Variants in SGMS2 observed in about 807,000 individuals in gnomAD.
The protein encoded by SGMS2 is sphingomyelin synthase 2.
In SGMS2, 21 loss-of-function variants were observed where a neutral mutation model predicts 43.8. The observed-to-expected ratio is 0.48, with a 90% CI of 0.34 to 0.69. The LOEUF (loss-of-function observed/expected upper bound fraction) is 0.69. Ranked by LOEUF, SGMS2 falls within the 30% of genes least tolerant of loss-of-function variation. SGMS2 has a pLI of 0.01. For synonymous variants in SGMS2, 167 were observed against 160.6 expected (o/e 1.04, Z -0.30); for missense variants, 384 against 443.2 (o/e 0.87, Z 1.20).
chr4:107,850,123 C>T (rs1192019036), intron 1 of SGMS2, among the ~76,000 whole-genome samples: 5 of 152,120 alleles, frequency 3.3e-5, no homozygotes, highest in Non-Finnish European at 7.3e-5. Context: ...GGCATCTCTC[C>T]TCCCACTGTC....
At chr4:107,881,999 TCATC>T (rs1729394250) in intron 2 of SGMS2, among the ~76,000 whole-genome samples, 1 of 152,224 alleles carries the variant, frequency 6.6e-6, no homozygotes, top group Non-Finnish European at 1.5e-5. Flanking sequence ...TACATTTTCT[TCATC>T]CATCCATCAG....
intron 1 of SGMS2, among the ~76,000 whole-genome samples, chr4:107,832,110 TTG>T (rs1319654357): frequency 1.3e-5 from 2 of 152,202 alleles, no homozygotes; most frequent in African/African-American, 2.4e-5. Flanking sequence ...ATATTTGCAT[TTG>T]TTCAGCGAGT....
chr4:107,834,675 G>A (rs952778662), intron 1 of SGMS2, among the ~76,000 whole-genome samples: 1 of 152,188 alleles, frequency 6.6e-6, no homozygotes, highest in East Asian at 1.9e-4. Context: ...TCTATTGTAA[G>A]TATGTAAAGG....
At chr4:107,872,671 TA>T (rs11289834) in intron 2 of SGMS2, among the ~76,000 whole-genome samples, 106,807 of 151,568 alleles carry the variant, frequency 0.7, 38,299 homozygotes, top group African/African-American at 0.83. Flanking sequence ...CCCCTTCTCT[TA>T]AAAAAAACAA....
At chr4:107,837,324 T>G (rs927200078) in intron 1 of SGMS2, among the ~76,000 whole-genome samples, 2 of 152,086 alleles carry the variant, frequency 1.3e-5, no homozygotes, top group African/African-American at 4.8e-5. Flanking sequence ...AGAGAGTGAC[T>G]GGGGCAGCCT....
intron 2 of SGMS2, among the ~76,000 whole-genome samples, chr4:107,870,880 C>G (rs545382859): frequency 6.6e-6 from 1 of 152,024 alleles, no homozygotes; most frequent in Non-Finnish European, 1.5e-5. Context: ...TATAGGCAAG[C>G]ACTTTTATTT....
rs1473405207 is a variant in SGMS2, at chr4:107,911,022, T to C, written c.*469T>C. 2.6e-5 allele frequency: 4 copies of C among 156,430 alleles called. No individual in the cohort carries two copies. The highest frequency in any genetic ancestry group is 5.6e-5 in the Non-Finnish European group (4 of 70,812). The allele number at this position is 156,430 out of a possible 1,614,324, so 9.7% of individuals were successfully genotyped here. A position where few individuals can be genotyped will look rare whatever the true frequency, so the allele number is the denominator to read the frequency against. The stretch of plus-strand genomic sequence containing the variant: ...AGCATTAGGTTTAGCAAGGGGGAGA[T>C]CCGTGGGTTGTGCGTCAGCTTTGGG... On this transcript the variant is annotated 3_prime_UTR_variant, in exon 7 of 7. Transcript: ENST00000690982.
intron 2 of SGMS2, among the ~76,000 whole-genome samples, chr4:107,879,544 C>A (rs962159326): frequency 2.0e-5 from 3 of 151,842 alleles, no homozygotes; most frequent in African/African-American, 7.3e-5. Flanking sequence ...TCACTGCAAC[C>A]TCTGCCTCCC....
At position 107,903,369 on chromosome 4, in the gene SGMS2, A is replaced by C. The variant is rs1560673798; in HGVS notation, c.710A>C (p.Tyr237Ser). 6.2e-7 allele frequency: 1 copy of C among 1,613,850 alleles called. No homozygotes were observed. The highest frequency in any genetic ancestry group is 8.5e-7 in the Non-Finnish European group (1 of 1,179,880). Residue 237 changes from tyrosine to serine, a missense_variant, in exon 5 of 7, where the codon TAT becomes TCT. Tyr to Ser is a moderately radical substitution (Grantham distance 144). Transcript: ENST00000690982. ...SGHTVTLTLTYLFIKEYSPRH... is the reference protein window; with the variant it reads ...SGHTVTLTLTSLFIKEYSPRH... ...CACACGGTTACGCTGACACTGACTT[A>C]TTTGTTCATCAAAGAATGTAAGTAA...
chr4:107,876,328 C>A (rs1158160712), intron 2 of SGMS2, among the ~76,000 whole-genome samples: 2 of 152,154 alleles, frequency 1.3e-5, no homozygotes, highest in Non-Finnish European at 2.9e-5. Flanking sequence ...TCCGCTATAA[C>A]CACCAAATGT....
intron 5 of SGMS2, 151 bp downstream of exon 5, chr4:107,903,537 G>A (rs1438379777): frequency 4.8e-6 from 3 of 620,516 alleles, no homozygotes; most frequent in Non-Finnish European, 5.5e-6. Flanking sequence ...GTGAATGTGT[G>A]TGTGTGCGTG....
chr4:107,907,009 T>C (rs1731632869), intron 5 of SGMS2, among the ~76,000 whole-genome samples: 1 of 152,132 alleles, frequency 6.6e-6, no homozygotes, highest in Admixed American at 6.5e-5. Context: ...GATTTCTCAA[T>C]GTTCATTCAA....
intron 1 of SGMS2, among the ~76,000 whole-genome samples, chr4:107,834,312 G>A (rs1196763505): frequency 6.6e-6 from 1 of 152,152 alleles, no homozygotes; most frequent in Non-Finnish European, 1.5e-5. Flanking sequence ...TGATAATTCT[G>A]TGTATTTCTA....
At chr4:107,907,255 G>A (rs769776277) in intron 5 of SGMS2, 1 of 152,232 alleles carries the variant, frequency 6.6e-6, no homozygotes, top group Non-Finnish European at 1.5e-5. Context: ...GACCAACAGA[G>A]CAACGGCTAG....
At chr4:107,856,855 A>G (rs1249113737) in intron 1 of SGMS2, among the ~76,000 whole-genome samples, 1 of 152,156 alleles carries the variant, frequency 6.6e-6, no homozygotes, top group Non-Finnish European at 1.5e-5. Context: ...TAATTTTACA[A>G]CAGTTGCACT....
intron 1 of SGMS2, among the ~76,000 whole-genome samples, chr4:107,840,031 A>G (rs1726410154): frequency 6.6e-6 from 1 of 152,162 alleles, no homozygotes; most frequent in Admixed American, 6.6e-5. Flanking sequence ...ATGTTAAATT[A>G]TATGGTCACC....
intron 2 of SGMS2, among the ~76,000 whole-genome samples, chr4:107,875,330 A>G (rs1728831069): frequency 6.6e-6 from 1 of 152,206 alleles, no homozygotes; most frequent in Non-Finnish European, 1.5e-5. Context: ...CAGCCATAAA[A>G]AAGAATGAGA....
intron 1 of SGMS2, among the ~76,000 whole-genome samples, chr4:107,841,298 G>A (rs1726483509): frequency 6.6e-6 from 1 of 152,090 alleles, no homozygotes; most frequent in Non-Finnish European, 1.5e-5. Context: ...GCCCTTCTGG[G>A]TTCCTCTTGC....
At chr4:107,907,642 G>C (rs1731697270) in intron 5 of SGMS2, among the ~76,000 whole-genome samples, 1 of 152,066 alleles carries the variant, frequency 6.6e-6, no homozygotes. Flanking sequence ...TAAAGTTCTG[G>C]AAATGGATCC....
Sources: allele counts gnomAD v4.1 joint callset (sites outside exome capture counted in the v4.1 genomes callset), GRCh38; gene constraint gnomAD v4.1.1; transcripts MANE v1.5; gene names NCBI Gene and HGNC (gene_info 2026-07-23, HGNC 2026-07-21).